Variants in TXNL1 observed in about 807,000 individuals in gnomAD.
TXNL1 encodes the protein thioredoxin-like protein 1.
In TXNL1, 14 loss-of-function variants were observed where a neutral mutation model predicts 35.5. The observed-to-expected ratio is 0.39, with a 90% CI of 0.26 to 0.62. TXNL1 has a LOEUF of 0.62. TXNL1 is among the 20% of genes least tolerant of loss of function. TXNL1 has a pLI of 0.47. For synonymous variants in TXNL1, 110 were observed against 115.5 expected, an observed-to-expected ratio of 0.95 and a Z score of 0.31; for missense variants, 263 against 349.7, an observed-to-expected ratio of 0.75 and a Z score of 1.98.
At chr18:56,634,902 A>T (rs2024432081) in intron 1 of TXNL1, among the ~76,000 whole-genome samples, 1 of 152,200 alleles carries the variant, frequency 6.6e-6, no homozygotes, top group South Asian at 2.1e-4. Flanking sequence ...CAAATTAAAT[A>T]TTAACATCCG....
intron 3 of TXNL1, among the ~76,000 whole-genome samples, chr18:56,623,453 T>C (rs890322303): frequency 2.0e-5 from 3 of 151,894 alleles, no homozygotes; most frequent in African/African-American, 7.2e-5. Context: ...AGATATTAAC[T>C]TTAACTTGAG....
At chr18:56,630,246 T>C (rs375773033) in intron 1 of TXNL1, among the ~76,000 whole-genome samples, 2 of 148,718 alleles carry the variant, frequency 1.3e-5, no homozygotes, top group Non-Finnish European at 3.0e-5. Flanking sequence ...AGGAAAAAGA[T>C]GGACATCCCA....
At chr18:56,633,444 C>T (rs1455561677) in intron 1 of TXNL1, among the ~76,000 whole-genome samples, 1 of 31,770 alleles carries the variant, frequency 3.1e-5, no homozygotes. Flanking sequence ...GAGACTCTGT[C>T]TCAAAAAAAA....
intron 7 of TXNL1, among the ~76,000 whole-genome samples, chr18:56,607,900 G>T (rs1292100087): frequency 6.6e-6 from 1 of 152,106 alleles, no homozygotes; most frequent in East Asian, 1.9e-4. Context: ...TGAAAATATT[G>T]TAAGTCAAAA....
rs1404923098 is a variant in TXNL1, at chr18:56,602,419, T to C, written c.*608A>G. ...AAAAAAAAAAAAAGGCTGACTCAAA[T>C]TTTAAAGTTTACCAGAAGAGATTAA... On this transcript the variant is annotated 3_prime_UTR_variant, in exon 8 of 8. Coordinates refer to ENST00000217515, the MANE Select transcript of TXNL1 (RefSeq NM_004786.3). 1 of 151,166 alleles carries C rather than the reference T, an allele frequency of 6.6e-6. No homozygotes were observed. The highest frequency in any genetic ancestry group is 2.4e-5 in the African/African-American group (1 of 41,088). 9.4% of individuals were successfully genotyped at this position (151,166 alleles called of 1,614,324 possible). A position where few individuals can be genotyped will look rare whatever the true frequency, so the allele number is the denominator to read the frequency against.
At chr18:56,615,507 A>G (rs762480642) in intron 5 of TXNL1, among the ~76,000 whole-genome samples, 1 of 151,990 alleles carries the variant, frequency 6.6e-6, no homozygotes, top group Non-Finnish European at 1.5e-5. Context: ...TTATTTTACA[A>G]GAAGAGAAAT....
At chr18:56,619,553 A>G (rs1157244425) in intron 3 of TXNL1, among the ~76,000 whole-genome samples, 1 of 151,884 alleles carries the variant, frequency 6.6e-6, no homozygotes, top group Non-Finnish European at 1.5e-5. Context: ...AAAAAAAAAA[A>G]AAAAAAATTG....
At chr18:56,637,613 A>G (rs1037198753) in intron 1 of TXNL1, among the ~76,000 whole-genome samples, 1 of 152,160 alleles carries the variant, frequency 6.6e-6, no homozygotes, top group Non-Finnish European at 1.5e-5. Context: ...ATTTTTCAAG[A>G]TCCCTGTCCT....
chr18:56,604,406 A>ATGT (rs2023856356), intron 7 of TXNL1: 1 of 152,240 alleles, frequency 6.6e-6, no homozygotes, highest in Non-Finnish European at 1.5e-5. Flanking sequence ...CTTCTAGCAG[A>ATGT]TGTGATACAG....
intron 1 of TXNL1, among the ~76,000 whole-genome samples, chr18:56,631,935 A>T (rs1347781324): frequency 1.3e-5 from 2 of 151,836 alleles, no homozygotes; most frequent in Non-Finnish European, 2.9e-5. Context: ...AAAAAAAAAA[A>T]AAGGAACCCA....
chr18:56,629,204 AAT>A (rs2024332475), intron 1 of TXNL1, among the ~76,000 whole-genome samples: 3 of 152,206 alleles, frequency 2.0e-5, no homozygotes, highest in African/African-American at 7.2e-5. Context: ...AAACAACTTA[AAT>A]GGCAATTAAT....
At chr18:56,614,168 T>C (rs1053426943) in intron 6 of TXNL1, among the ~76,000 whole-genome samples, 1 of 152,170 alleles carries the variant, frequency 6.6e-6, no homozygotes, top group Non-Finnish European at 1.5e-5. Flanking sequence ...AGTTGTAGAA[T>C]AAACTTCCAG....
chr18:56,626,289 G>A (rs1197547309), intron 2 of TXNL1, 72 bp downstream of exon 2: 1 of 1,550,366 alleles, frequency 6.5e-7, no homozygotes, highest in South Asian at 1.2e-5. Flanking sequence ...AGAGATAAAT[G>A]AAGAATATTA....
chr18:56,602,961 G>T lies in TXNL1; in HGVS notation c.*66C>A. ...ATGAAACATTGACAGTCTCTGGCGA[G>T]AATCAAGCAATTATCCAGGAGCTGT... is the stretch of plus-strand genomic sequence containing the variant. On this transcript the variant is annotated 3_prime_UTR_variant, in exon 8 of 8. Transcript: ENST00000217515. 1 of 1,522,732 alleles carries T rather than the reference G, an allele frequency of 6.6e-7. No individual in the cohort carries two copies. Among genetic ancestry groups the T allele is most frequent in the Non-Finnish European group, 9.1e-7 (1 of 1,097,698 alleles). The allele number at this position is 1,522,732 out of a possible 1,614,324, so 94.3% of individuals were successfully genotyped here. A position where few individuals can be genotyped will look rare whatever the true frequency, so the allele number is the denominator to read the frequency against.
chr18:56,605,277 A>G (rs1482846709), intron 7 of TXNL1: 1 of 152,210 alleles, frequency 6.6e-6, no homozygotes, highest in Non-Finnish European at 1.5e-5. Flanking sequence ...CAGGTGCTAG[A>G]TGAGCAGAGA....
chr18:56,629,396 C>T (rs911768680), intron 1 of TXNL1, among the ~76,000 whole-genome samples: 4 of 152,042 alleles, frequency 2.6e-5, no homozygotes, highest in Non-Finnish European at 5.9e-5. Flanking sequence ...GGCATGGTGG[C>T]GCATGCCTGT....
intron 1 of TXNL1, among the ~76,000 whole-genome samples, chr18:56,637,630 T>A (rs549730299): frequency 3.5e-4 from 54 of 152,176 alleles, no homozygotes; most frequent in African/African-American, 1.1e-3. Context: ...TCCTCTTAAG[T>A]GAAAAAACAG....
Position 56,603,346 on chromosome 18 carries a change from A to T in TXNL1, c.841-290T>A, listed in dbSNP as rs566066563. 8.9e-5 allele frequency among the ~76,000 whole-genome samples: 11 copies of T among 124,252 alleles called. No individual in the cohort carries two copies. In the South Asian group the frequency reaches 2.2e-3, roughly 25 times the overall value. The allele number at this position is 124,252 out of a possible 152,430, so 81.5% of individuals were successfully genotyped here. On this transcript the variant is annotated intron_variant, in intron 7 of 7. Transcript: ENST00000217515. ...GTTGAAAGTTTAGAGAAGTTAATTT[A>T]AAAAATGATGCTATATGAGTAAAAC...
intron 1 of TXNL1, among the ~76,000 whole-genome samples, chr18:56,636,553 C>T (rs1224008965): frequency 1.3e-5 from 2 of 151,992 alleles, no homozygotes; most frequent in African/African-American, 4.8e-5. Context: ...TTAATTTTCC[C>T]TCGGTTTTTA....
Sources: allele counts gnomAD v4.1 joint callset (sites outside exome capture counted in the v4.1 genomes callset), GRCh38; gene constraint gnomAD v4.1.1; transcripts MANE v1.5; gene names NCBI Gene and HGNC (gene_info 2026-07-23, HGNC 2026-07-21).